Variants in RSPH14 observed in about 807,000 individuals in gnomAD.
RSPH14 encodes radial spoke head 14 homolog, also known as rhabdoid tumor deletion region gene 1.
Under a neutral mutation model 26.7 loss-of-function variants are expected in RSPH14, and 20 were observed. The ratio of observed to expected loss-of-function variants is 0.75; its 90% CI spans 0.53 to 1.09. The LOEUF (loss-of-function observed/expected upper bound fraction) is 1.09, where lower values mean the gene tolerates loss of function less well. RSPH14 is among the 50% of genes least tolerant of loss of function. The probability of loss-of-function intolerance (pLI) is 0.00; values close to 1 mark genes in which losing one functional copy is unlikely to be tolerated. For synonymous variants in RSPH14, 177 were observed against 189.3 expected, an observed-to-expected ratio of 0.93 and a Z score of 0.53; for missense variants, 449 against 457.2, an observed-to-expected ratio of 0.98 and a Z score of 0.16.
chr22:23,115,630 G>A lies in RSPH14; in HGVS notation c.421+18396C>T, dbSNP rs116549233. ...GCCTCCCACACCTCAGTGATGCCTC[G>A]GTGACCCCTAAGGCAGAAGATGCGT... is the stretch of plus-strand genomic sequence containing the variant. On this transcript the variant is annotated intron_variant, in intron 4 of 6. Coordinates refer to ENST00000216036, the MANE Select transcript of RSPH14 (RefSeq NM_014433.3). Among the ~76,000 whole-genome samples, 977 of 152,272 alleles carry A rather than the reference G, an allele frequency of 6.4e-3. 9 individuals carry two copies. The highest frequency in any genetic ancestry group is 0.022 in the African/African-American group (923 of 41,566).
At chr22:23,088,927 G>GC (rs1348520036) in intron 4 of RSPH14, among the ~76,000 whole-genome samples, 1 of 152,234 alleles carries the variant, frequency 6.6e-6, no homozygotes, top group Non-Finnish European at 1.5e-5. Context: ...AGGCATGACT[G>GC]CCTGTGCCTC....
rs187048009 is a variant in RSPH14 at position 23,133,359 on chromosome 22, C to T, written c.421+667G>A. Among the ~76,000 whole-genome samples, 331 of 152,274 alleles carry T rather than the reference C, an allele frequency of 2.2e-3. 7 individuals carry two copies. Among genetic ancestry groups the T allele is most frequent in the Non-Finnish European group, 2.5e-4 (17 of 68,026 alleles). Reference sequence around the variant, plus strand: ...GTAGCTACAAGCAAGATATTACAAGCTGGATGTTTCCATTTATGTAAAGTT... The same window carrying T: ...GTAGCTACAAGCAAGATATTACAAGTTGGATGTTTCCATTTATGTAAAGTT... On this transcript the variant is annotated intron_variant, in intron 4 of 6. Coordinates refer to ENST00000216036, the MANE Select transcript of RSPH14 (RefSeq NM_014433.3).
Position 23,059,614 on chromosome 22 carries a change from G to C in RSPH14, c.895C>G (p.Leu299Val), listed in dbSNP as rs772710079. The C allele has an allele frequency of 6.2e-7, 1 of 1,613,066 alleles. No homozygotes were observed. Among genetic ancestry groups the C allele is most frequent in the Non-Finnish European group, 8.5e-7 (1 of 1,179,604 alleles). Residue 299 changes from leucine to valine, a missense_variant, in exon 7 of 7, where the codon CTG (leucine) becomes GTG (valine). Leu to Val is a conservative substitution (Grantham distance 32). Transcript: ENST00000216036. ...RLNATKALTM[L>V]AEAPEGRKAL... The stretch of plus-strand genomic sequence containing the variant: ...TTGCGGCCCTCGGGGGCCTCTGCCA[G>C]CATGGTAAGGGCCTTGGTGGCATTC...
chr22:23,130,802 C>A (rs907420123), intron 4 of RSPH14, among the ~76,000 whole-genome samples: 4 of 152,202 alleles, frequency 2.6e-5, no homozygotes, highest in Non-Finnish European at 4.4e-5. Flanking sequence ...TTTCCTCTCA[C>A]CAGGACAGGG....
rs184945454 is a variant in RSPH14 at position 23,065,357 on chromosome 22, T to C, written c.422-1224A>G. ...ATGTCCAGCAGCTCTCCATGCCCCA[T>C]CCCCCAGGTCCTCTGGTGTCAGGTG... is the stretch of plus-strand genomic sequence containing the variant. On this transcript the variant is annotated intron_variant, in intron 4 of 6. Transcript: ENST00000216036. 1.4e-3 allele frequency among the ~76,000 whole-genome samples: 216 copies of C among 151,844 alleles called. 5 individuals are homozygous for C. In the South Asian group the frequency reaches 0.037, roughly 26 times the overall value.
chr22:23,171,024 G>T, the RSPH14 span, among the ~76,000 whole-genome samples: 2 of 151,944 alleles, frequency 1.3e-5, no homozygotes, highest in Non-Finnish European at 2.9e-5. Flanking sequence ...CTGGAGTGCA[G>T]TAGTGCAATC....
the RSPH14 span, among the ~76,000 whole-genome samples, chr22:23,166,977 C>G: frequency 1.3e-5 from 2 of 152,136 alleles, no homozygotes; most frequent in Non-Finnish European, 2.9e-5. Flanking sequence ...CGTTTAACCA[C>G]AGCAATGCTG....
chr22:23,130,103 GA>G (rs796813406), intron 4 of RSPH14, among the ~76,000 whole-genome samples: 1 of 76,570 alleles, frequency 1.3e-5, no homozygotes, highest in Admixed American at 1.5e-4. Context: ...AAGAAAGAAA[GA>G]AAGAAAGAAA....
At chr22:23,087,519 G>A (rs753368004) in intron 4 of RSPH14, among the ~76,000 whole-genome samples, 18 of 152,198 alleles carry the variant, frequency 1.2e-4, no homozygotes, top group Non-Finnish European at 2.1e-4. Context: ...AGACAGAGCC[G>A]ATTCTTCAAG....
the RSPH14 span, chr22:23,150,178 G>A: frequency 1.3e-6 from 2 of 1,578,760 alleles, no homozygotes; most frequent in African/African-American, 1.3e-5. Flanking sequence ...GTGTGGGATG[G>A]GGGAGCAGGT....
chr22:23,123,215 C>T (rs2070080495), intron 4 of RSPH14: 1 of 1,614,180 alleles, frequency 6.2e-7, no homozygotes, highest in Non-Finnish European at 8.5e-7. Flanking sequence ...GCATCCCGCT[C>T]ACCATCTGCT....
At chr22:23,125,673 C>A (rs1318016702) in intron 4 of RSPH14, among the ~76,000 whole-genome samples, 1 of 152,174 alleles carries the variant, frequency 6.6e-6, no homozygotes, top group Non-Finnish European at 1.5e-5. Flanking sequence ...GCCAGAGGTG[C>A]CCATTTTACA....
the RSPH14 span, chr22:23,159,036 AG>A: frequency 6.3e-7 from 1 of 1,589,626 alleles, no homozygotes; most frequent in Non-Finnish European, 8.6e-7. Context: ...CTCCCCTTAC[AG>A]CCCTCATTGG....
At chr22:23,167,009 C>G in the RSPH14 span, among the ~76,000 whole-genome samples, 1 of 152,114 alleles carries the variant, frequency 6.6e-6, no homozygotes, top group Non-Finnish European at 1.5e-5. Flanking sequence ...CCACCCCCGC[C>G]CTGTCCCCGC....
chr22:23,175,518 C>T, the RSPH14 span, among the ~76,000 whole-genome samples: 8 of 151,160 alleles, frequency 5.3e-5, no homozygotes, highest in Non-Finnish European at 1.0e-4. Context: ...GACAGGGTTT[C>T]ACCATATTGG....
intron 4 of RSPH14, among the ~76,000 whole-genome samples, chr22:23,084,682 A>T (rs2068769256): frequency 6.6e-6 from 1 of 152,264 alleles, no homozygotes; most frequent in South Asian, 2.1e-4. Flanking sequence ...CCATGATGCA[A>T]TGCAGCCTTG....
chr22:23,102,389 T>G (rs375427226), intron 4 of RSPH14, among the ~76,000 whole-genome samples: 2 of 152,194 alleles, frequency 1.3e-5, no homozygotes, highest in South Asian at 4.1e-4. Context: ...TTGGGTTAGC[T>G]CCTTCCTTCC....
chr22:23,081,821 CAAAA>C (rs55713577), intron 4 of RSPH14, among the ~76,000 whole-genome samples: 1 of 46,748 alleles, frequency 2.1e-5, no homozygotes. Flanking sequence ...GATTCCATCT[CAAAA>C]AAAAAAAAAA....
At chr22:23,098,984 C>G (rs1325316538) in intron 4 of RSPH14, among the ~76,000 whole-genome samples, 1 of 152,200 alleles carries the variant, frequency 6.6e-6, no homozygotes, top group Admixed American at 6.5e-5. Context: ...CAAGAACAGG[C>G]CATGCTCGTT....
Sources: allele counts gnomAD v4.1 joint callset (sites outside exome capture counted in the v4.1 genomes callset), GRCh38; gene constraint gnomAD v4.1.1; transcripts MANE v1.5; gene names NCBI Gene and HGNC (gene_info 2026-07-23, HGNC 2026-07-21).